Variants in CARNS1 observed in about 807,000 individuals in gnomAD.
CARNS1 encodes carnosine synthase 1, also known as ATP-grasp domain containing 1.
CARNS1 carries 61 observed loss-of-function variants against 74.0 expected under a neutral mutation model. The observed-to-expected ratio is 0.82, with a 90% CI of 0.67 to 1.02. The LOEUF is 1.02. CARNS1 is among the 50% of genes least tolerant of loss of function. CARNS1 has a pLI of 0.00. For missense variants in CARNS1, 1,278 were observed against 1,308.4 expected, an observed-to-expected ratio of 0.98 and a Z score of 0.36; for synonymous variants, 568 against 605.5, an observed-to-expected ratio of 0.94 and a Z score of 0.91.
At chr11:67,420,548 T>TG in intron 7 of CARNS1, 61 bp from the exon 8 acceptor site, 1 of 1,073,316 alleles carries the variant, frequency 9.3e-7, no homozygotes, top group South Asian at 4.7e-5. Context: ...CACAAGGCGG[T>TG]GGGGGTGTGC....
At position 67,423,946 on chromosome 11, in the gene CARNS1, A is replaced by G. The variant is rs749498136; in HGVS notation, c.2198A>G (p.His733Arg). Residue 733 changes from histidine (H) to arginine (R), a missense_variant, in exon 10 of 10, where the codon CAC becomes CGC. By Grantham distance (29) the His-to-Arg change is conservative. Transcript: ENST00000687366. This position sits in a 1 kb window ranked among gnomAD's most constrained non-coding sequence, Gnocchi z 5.1. ...ATGGAGTTTGTGGAGGGCACCGAGCACGACGTGGACCTGGTGTTGTTTGGT... is the reference window on the plus strand; with the variant it reads ...ATGGAGTTTGTGGAGGGCACCGAGCGCGACGTGGACCTGGTGTTGTTTGGT... ...LLMEFVEGTE[H>R]DVDLVLFGGR... The G allele has an allele frequency of 1.2e-5, 19 of 1,613,500 alleles. No individual in the cohort carries two copies. Among genetic ancestry groups the G allele is most frequent in the Non-Finnish European group, 1.5e-5 (18 of 1,179,834 alleles).
chr11:67,417,472 G>A lies in CARNS1; in HGVS notation c.69G>A (p.Glu23=). The change falls in exon 3 of 10, where the codon GAG becomes GAA. Residue 23 remains glutamate (E), a synonymous_variant. Transcript: ENST00000687366. ...TGGGCTCCAAGGACCTGGAGGAAGA[G>A]GGCCCCTGGGGAGGGGGCTCTGGCC... ...CPLGSKDLEE[E]GPWGGGSGLP... 1 of 1,450,250 alleles carries A rather than the reference G, an allele frequency of 6.9e-7. No individual in the cohort carries two copies. The highest frequency in any genetic ancestry group is 9.1e-7 in the Non-Finnish European group (1 of 1,104,312). The allele number at this position is 1,450,250 out of a possible 1,614,324, so 89.8% of individuals were successfully genotyped here. A position where few individuals can be genotyped will look rare whatever the true frequency, so the allele number is the denominator to read the frequency against.
At chr11:67,420,235 G>A (rs1863661492) in intron 7 of CARNS1, among the ~76,000 whole-genome samples, 2 of 152,234 alleles carry the variant, frequency 1.3e-5, no homozygotes, top group Admixed American at 6.5e-5. Flanking sequence ...TGAGTACCCC[G>A]CTCTAGGCTA....
rs1374672203 is a variant in CARNS1, at chr11:67,423,727, A to T, written c.1979A>T (p.Asp660Val). Residue 660 changes from aspartate to valine, a missense_variant, in exon 10 of 10, where the codon GAT becomes GTT. Around this residue, in one of 3 missense-constraint regions of CARNS1, gnomAD observed 1,164 missense variants for 1,156.5 expected, o/e 1.01. Coordinates refer to ENST00000687366, the MANE Select transcript of CARNS1 (RefSeq NM_001166222.2). This position sits in a 1 kb window ranked among gnomAD's most constrained non-coding sequence, Gnocchi z 5.1. ...TGCTGCCCACTGGAGAGTGAGGCTGATGTGGAGAGGGCCGTGCACCAGGTA... is the reference window on the plus strand; with the variant it reads ...TGCTGCCCACTGGAGAGTGAGGCTGTTGTGGAGAGGGCCGTGCACCAGGTA... ...VPCCPLESEA[D>V]VERAVHQVPL... is the part of the protein sequence containing the mutation. 6.3e-7 allele frequency: 1 copy of T among 1,579,552 alleles called. No individual in the cohort carries two copies. Among genetic ancestry groups the T allele is most frequent in the Non-Finnish European group, 8.6e-7 (1 of 1,167,994 alleles).
chr11:67,417,072 G>A, intron 2 of CARNS1: 1 of 1,077,900 alleles, frequency 9.3e-7, no homozygotes, highest in South Asian at 4.5e-5. Context: ...TGCTGGGGTT[G>A]CCTCCATGAA....
chr11:67,421,029 C>A lies in CARNS1; in HGVS notation c.1436C>A (p.Ala479Glu). 1 of 1,366,308 alleles carries A rather than the reference C, an allele frequency of 7.3e-7. No individual in the cohort carries two copies. Among genetic ancestry groups the A allele is most frequent in the Non-Finnish European group, 9.4e-7 (1 of 1,067,308 alleles). The allele number at this position is 1,366,308 out of a possible 1,614,324, so 84.6% of individuals were successfully genotyped here. A position where few individuals can be genotyped will look rare whatever the true frequency, so the allele number is the denominator to read the frequency against. Residue 479 changes from alanine (A) to glutamate (E), a missense_variant, in exon 9 of 10, where the codon GCG becomes GAG. Coordinates refer to ENST00000687366, the MANE Select transcript of CARNS1 (RefSeq NM_001166222.2). ...NGGLCLEACGALEGLWAAPRL... is the reference protein window; with the variant it reads ...NGGLCLEACGELEGLWAAPRL... ...GGCCTGTGTCTGGAGGCGTGCGGCGCGCTGGAGGGGCTGTGGGCCGCGCCG... is the reference window on the plus strand; with the variant it reads ...GGCCTGTGTCTGGAGGCGTGCGGCGAGCTGGAGGGGCTGTGGGCCGCGCCG...
intron 2 of CARNS1, chr11:67,417,165 A>C: frequency 1.6e-6 from 2 of 1,213,510 alleles, no homozygotes; most frequent in Non-Finnish European, 2.0e-6. Flanking sequence ...CTGGCTGGCA[A>C]GACATTGCTT....
rs767706133 is a variant in CARNS1, at chr11:67,419,595, AAGCTGGAGG to A, written c.964_972del (p.Leu322_Glu324del). ...GGACACAGTGCTGGCGCTGCTGGAGAAGCTGGAGGAGGAGGAGAGTGTCCTGGTGGAGGC... is the reference window on the plus strand; with the variant it reads ...GGACACAGTGCTGGCGCTGCTGGAGAAGGAGGAGAGTGTCCTGGTGGAGGC... On this transcript the variant is annotated inframe_deletion, in exon 6 of 10. Transcript: ENST00000687366. 29 of 1,605,074 alleles carry A rather than the reference AAGCTGGAGG, an allele frequency of 1.8e-5. No individual in the cohort carries two copies. In the Admixed American group the frequency reaches 2.0e-4, roughly 11 times the overall value.
At chr11:67,418,371 G>T in intron 3 of CARNS1, 60 bp from the exon 4 acceptor site, 1 of 1,259,248 alleles carries the variant, frequency 7.9e-7, no homozygotes, top group Non-Finnish European at 1.1e-6. Flanking sequence ...GGTGGTGGAA[G>T]GTGGGCAGAG....
At chr11:67,417,893 A>G (rs567603230) in intron 3 of CARNS1, among the ~76,000 whole-genome samples, 1 of 151,884 alleles carries the variant, frequency 6.6e-6, no homozygotes, top group Non-Finnish European at 1.5e-5. Context: ...CCCTGCCCTC[A>G]CCCCCTCCCC....
chr11:67,417,756 T>G (rs762448737), intron 3 of CARNS1, 79 bp downstream of exon 3: 9 of 1,069,552 alleles, frequency 8.4e-6, no homozygotes, highest in Non-Finnish European at 1.1e-5. Flanking sequence ...CTCATCCCTG[T>G]CAAGGTCGGC....
chr11:67,425,194 A>G lies in CARNS1; in HGVS notation c.*593A>G, dbSNP rs1334805420. 1 of 402,206 alleles carries G rather than the reference A, an allele frequency of 2.5e-6. No individual in the cohort carries two copies. Among genetic ancestry groups the G allele is most frequent in the African/African-American group, 2.1e-5 (1 of 48,172 alleles). The allele number at this position is 402,206 out of a possible 1,614,324, so 24.9% of individuals were successfully genotyped here. A position where few individuals can be genotyped will look rare whatever the true frequency, so the allele number is the denominator to read the frequency against. Reference sequence around the variant, plus strand: ...CTCTTTCTGCTCACCCCAGGCAGACACAACTGCCTATGTTCCCCCGATGAG... The same window carrying G: ...CTCTTTCTGCTCACCCCAGGCAGACGCAACTGCCTATGTTCCCCCGATGAG... On this transcript the variant is annotated 3_prime_UTR_variant, in exon 10 of 10. Transcript: ENST00000687366.
chr11:67,416,620 C>A (rs1863549178), intron 2 of CARNS1: 1 of 1,013,004 alleles, frequency 9.9e-7, no homozygotes, highest in African/African-American at 1.7e-5. Flanking sequence ...TCCAAAGAGA[C>A]CTCACGACTT....
At chr11:67,417,384 A>G in intron 2 of CARNS1, 23 bp from the exon 3 acceptor site, 1 of 1,325,236 alleles carries the variant, frequency 7.5e-7, no homozygotes, top group Non-Finnish European at 9.6e-7. Flanking sequence ...CCTGCCCAAG[A>G]CCTACCACTT....
chr11:67,416,847 C>T lies in CARNS1; in HGVS notation c.4-560C>T, dbSNP rs150697118. On this transcript the variant is annotated intron_variant, in intron 2 of 9. Coordinates refer to ENST00000687366, the MANE Select transcript of CARNS1 (RefSeq NM_001166222.2). ...TATCTGCAGGGGGGATACTGTCTAG[C>T]CTCCTAATGTTTAGCCCAGGGCTGG... 8.1e-6 allele frequency: 8 copies of T among 986,456 alleles called. No homozygotes were observed. In the East Asian group the frequency reaches 9.1e-4, roughly 112 times the overall value. 61.1% of individuals were successfully genotyped at this position (986,456 alleles called of 1,614,324 possible). A position where few individuals can be genotyped will look rare whatever the true frequency, so the allele number is the denominator to read the frequency against.
At chr11:67,422,140 G>A (rs1417974657) in intron 9 of CARNS1, among the ~76,000 whole-genome samples, 2 of 145,862 alleles carry the variant, frequency 1.4e-5, no homozygotes, top group Non-Finnish European at 3.0e-5. Context: ...CCAAAGTGCT[G>A]GGATTACAGG....
At position 67,421,109 on chromosome 11, in the gene CARNS1, C is replaced by T; in HGVS notation, c.1516C>T (p.Leu506Phe). ...GGCGGCGCCGCTGGTGGAGACCATG[C>T]TTCGGCGGTCGGCGCGCTGCCTCAT... is the stretch of plus-strand genomic sequence containing the variant. ...AVAAPLVETM[L>F]RRSARCLMEG... Residue 506 changes from leucine (L) to phenylalanine (F), a missense_variant, in exon 9 of 10, where the codon CTT (leucine) becomes TTT (phenylalanine). Physicochemically the swap from Leu to Phe is conservative, Grantham distance 22. This residue lies in a region of CARNS1 where 1,164 missense variants were observed against 1,156.5 expected (regional missense o/e 1.01). Coordinates refer to ENST00000687366, the MANE Select transcript of CARNS1 (RefSeq NM_001166222.2). 1 of 1,453,832 alleles carries T rather than the reference C, an allele frequency of 6.9e-7. No homozygotes were observed. 90.1% of individuals were successfully genotyped at this position (1,453,832 alleles called of 1,614,324 possible). A position where few individuals can be genotyped will look rare whatever the true frequency, so the allele number is the denominator to read the frequency against.
intron 2 of CARNS1, chr11:67,416,568 AG>A (rs1017769564): frequency 3.7e-6 from 4 of 1,085,168 alleles, no homozygotes; most frequent in African/African-American, 1.7e-5. Flanking sequence ...CAGCCTCATC[AG>A]CCCCCAGGGG....
rs777098384 is a variant in CARNS1, at chr11:67,424,437, G to A, written c.2689G>A (p.Glu897Lys). Residue 897 changes from glutamate (E) to lysine (K), a missense_variant, in exon 10 of 10, where the codon GAG becomes AAG. Transcript: ENST00000687366. The part of the protein sequence containing the change: ...DRGLLRLNLL[E>K]EALVPGEYEE... ...TGGACTGCTACGCCTCAATCTGCTGGAGGAGGCCCTGGTGCCTGGCGAGTA... is the reference window on the plus strand; with the variant it reads ...TGGACTGCTACGCCTCAATCTGCTGAAGGAGGCCCTGGTGCCTGGCGAGTA... 7.6e-6 allele frequency: 12 copies of A among 1,589,294 alleles called. No homozygotes were observed. In the South Asian group the frequency reaches 1.1e-4, roughly 15 times the overall value.
Sources: gnomAD v4.1 joint callset for allele counts (sites outside exome capture counted in the v4.1 genomes callset) on GRCh38, gnomAD v4.1.1 for gene constraint, gnomAD v4.1.1 regional missense constraint, Gnocchi (gnomAD v3.1) non-coding constraint, MANE v1.5 for transcripts, NCBI Gene and HGNC (gene_info 2026-07-23, HGNC 2026-07-21) for gene names.